The following STPG2 variants were observed in gnomAD, a reference collection of about 807,000 sequenced individuals.
STPG2 encodes sperm tail PG-rich repeat containing 2, also known as sperm-tail PG-rich repeat-containing protein 2.
In STPG2, 56 loss-of-function variants were observed where a neutral mutation model predicts 54.2. The ratio of observed to expected loss-of-function variants is 1.03; its 90% CI spans 0.83 to 1.29. The LOEUF (loss-of-function observed/expected upper bound fraction) is 1.29. Among genes scored for constraint, STPG2 ranks in the 50% most tolerant of loss-of-function variants. The pLI, the probability that STPG2 is intolerant of heterozygous loss-of-function variation, is 0.00. For synonymous variants in STPG2, 200 were observed against 181.8 expected (o/e 1.10, Z -0.81); for missense variants, 596 against 544.9 (o/e 1.09, Z -0.93).
chr4:97,541,103 T>C (rs556107629), intron 4 of STPG2, among the ~76,000 whole-genome samples: 98 of 152,224 alleles, frequency 6.4e-4, no homozygotes, highest in South Asian at 1.5e-3. Flanking sequence ...CAAAATAGTG[T>C]TGGAAGTTCC....
chr4:97,882,976 T>TAC (rs34481744), intron 8 of STPG2, among the ~76,000 whole-genome samples: 10,659 of 146,768 alleles, frequency 0.073, 405 homozygotes, highest in African/African-American at 0.1. Flanking sequence ...ACATACCACA[T>TAC]ACACACACAC....
intron 8 of STPG2, among the ~76,000 whole-genome samples, chr4:97,919,560 A>G (rs1404984430): frequency 6.6e-6 from 1 of 152,052 alleles, no homozygotes; most frequent in African/African-American, 2.4e-5. Context: ...TTAAGCAAAT[A>G]TATTTGGCAA....
intron 4 of STPG2, among the ~76,000 whole-genome samples, chr4:97,451,115 G>A (rs1158006073): frequency 1.3e-5 from 2 of 152,058 alleles, no homozygotes; most frequent in African/African-American, 4.8e-5. Flanking sequence ...ATAAGAGAAA[G>A]ACCCAGGGTC....
chr4:97,561,256 G>A (rs1027402180), intron 10 of STPG2, among the ~76,000 whole-genome samples: 3 of 152,096 alleles, frequency 2.0e-5, no homozygotes, highest in Non-Finnish European at 4.4e-5. Context: ...CTTCTTTTGA[G>A]AAGTGTCTGT....
intron 4 of STPG2, among the ~76,000 whole-genome samples, chr4:97,482,263 G>A (rs542397844): frequency 9.9e-5 from 15 of 151,370 alleles, no homozygotes; most frequent in South Asian, 2.1e-4. Flanking sequence ...TTGGATCTAC[G>A]TTAAAAAAGA....
intron 9 of STPG2, among the ~76,000 whole-genome samples, chr4:97,795,283 G>C (rs994137175): frequency 5.3e-5 from 8 of 152,072 alleles, no homozygotes; most frequent in African/African-American, 1.2e-4. Flanking sequence ...TGCCATGTTG[G>C]TGTGCTGCAC....
chr4:97,561,297 TG>T (rs1236364071), intron 10 of STPG2, among the ~76,000 whole-genome samples: 4 of 152,218 alleles, frequency 2.6e-5, no homozygotes, highest in Non-Finnish European at 5.9e-5. Flanking sequence ...TTGATGGGGT[TG>T]TTTTTTTCTT....
chr4:97,635,226 T>C (rs1044704753), intron 10 of STPG2, among the ~76,000 whole-genome samples: 1 of 152,178 alleles, frequency 6.6e-6, no homozygotes, highest in Non-Finnish European at 1.5e-5. Context: ...CAGAATTTCA[T>C]ATCCAGCCAA....
At chr4:97,612,251 A>C (rs951572738) in intron 10 of STPG2, among the ~76,000 whole-genome samples, 1 of 15,230 alleles carries the variant, frequency 6.6e-5, no homozygotes, top group African/African-American at 1.1e-4. Flanking sequence ...TAAAATGGCA[A>C]AAAAAAAAAC....
chr4:98,108,371 G>A (rs1158839719), intron 4 of STPG2, among the ~76,000 whole-genome samples: 2 of 152,106 alleles, frequency 1.3e-5, no homozygotes, highest in Admixed American at 6.6e-5. Flanking sequence ...TAGATTCTGA[G>A]GACAACGTGG....
chr4:98,142,968 A>C, intron 1 of STPG2, 74 bp downstream of exon 1: 1 of 1,308,928 alleles, frequency 7.6e-7, no homozygotes, highest in South Asian at 1.2e-5. Context: ...TGTTTAACTC[A>C]CAAGCACGCA....
intron 4 of STPG2, among the ~76,000 whole-genome samples, chr4:97,494,877 C>T (rs1730573765): frequency 6.6e-6 from 1 of 151,334 alleles, no homozygotes; most frequent in Non-Finnish European, 1.5e-5. Context: ...TGGAATGATG[C>T]AACATTAAGA....
chr4:97,541,143 T>C (rs1251623746), intron 4 of STPG2, among the ~76,000 whole-genome samples: 1 of 152,042 alleles, frequency 6.6e-6, no homozygotes, highest in Non-Finnish European at 1.5e-5. Context: ...GAGAAGGAAA[T>C]AAAGGGTATT....
intron 5 of STPG2, among the ~76,000 whole-genome samples, chr4:98,021,638 T>A (rs996955561): frequency 5.3e-5 from 8 of 152,028 alleles, no homozygotes; most frequent in South Asian, 4.2e-4. Flanking sequence ...CCCATTATTA[T>A]TGTGTGGGAG....
chr4:97,860,961 C>G (rs901158224), intron 8 of STPG2, among the ~76,000 whole-genome samples: 4 of 152,174 alleles, frequency 2.6e-5, no homozygotes, highest in Middle Eastern at 3.4e-3. Context: ...TAATACCCTA[C>G]AAGCACAGAC....
At chr4:97,671,854 C>G (rs1722706540) in intron 10 of STPG2, among the ~76,000 whole-genome samples, 1 of 152,060 alleles carries the variant, frequency 6.6e-6, no homozygotes, top group Non-Finnish European at 1.5e-5. Flanking sequence ...AAAGAAAACC[C>G]TGAAGAATTT....
chr4:97,722,057 C>T (rs1382445195), intron 9 of STPG2, among the ~76,000 whole-genome samples: 2 of 145,454 alleles, frequency 1.4e-5, no homozygotes, highest in Non-Finnish European at 3.0e-5. Context: ...TGTCCCCCTC[C>T]CCTCCTTTTT....
chr4:97,484,630 A>G (rs1730308481), intron 4 of STPG2, among the ~76,000 whole-genome samples: 1 of 151,842 alleles, frequency 6.6e-6, no homozygotes, highest in Non-Finnish European at 1.5e-5. Flanking sequence ...TCTACTAGAC[A>G]TCCAAAGAAG....
At chr4:97,591,606 T>C (rs989436450) in intron 10 of STPG2, among the ~76,000 whole-genome samples, 2 of 152,158 alleles carry the variant, frequency 1.3e-5, no homozygotes, top group Admixed American at 1.3e-4. Flanking sequence ...AAATAAGAGA[T>C]AGAGGGATAA....
Sources: gnomAD v4.1 joint callset for allele counts (sites outside exome capture counted in the v4.1 genomes callset) on GRCh38, gnomAD v4.1.1 for gene constraint, MANE v1.5 for transcripts, NCBI Gene and HGNC (gene_info 2026-07-23, HGNC 2026-07-21) for gene names.